The following RNF217 variants were observed in gnomAD, a reference collection of about 807,000 sequenced individuals.
RNF217 encodes the protein ring finger protein 217.
In RNF217, 31 loss-of-function variants were observed where a neutral mutation model predicts 57.8. The ratio of observed to expected loss-of-function variants is 0.54; its 90% CI spans 0.40 to 0.72. The LOEUF (loss-of-function observed/expected upper bound fraction) is 0.72. RNF217 is among the 30% of genes least tolerant of loss of function. The pLI is 0.00. For synonymous variants in RNF217, 313 were observed against 294.0 expected, an observed-to-expected ratio of 1.06 and a Z score of -0.66; for missense variants, 696 against 708.3, an observed-to-expected ratio of 0.98 and a Z score of 0.20.
intron 1 of RNF217, among the ~76,000 whole-genome samples, chr6:125,033,357 A>G (rs1327160673): frequency 3.3e-5 from 3 of 90,400 alleles, no homozygotes; most frequent in Non-Finnish European, 6.2e-5. Context: ...CCCCCACCCC[A>G]CAACAGTCCC....
At chr6:125,082,619 C>T (rs1477010968) in intron 5 of RNF217, 1 of 1,576,008 alleles carries the variant, frequency 6.3e-7, no homozygotes, top group Non-Finnish European at 8.6e-7. Context: ...AGATTTAAAC[C>T]AAAGTTTTGA....
chr6:124,980,786 T>G (rs1427619532), intron 1 of RNF217, among the ~76,000 whole-genome samples: 2 of 152,236 alleles, frequency 1.3e-5, no homozygotes, highest in African/African-American at 4.8e-5. Flanking sequence ...ATACTTTGAT[T>G]TGTTAATTTC....
intron 1 of RNF217, among the ~76,000 whole-genome samples, chr6:125,013,392 G>C (rs1785490026): frequency 6.9e-6 from 1 of 144,498 alleles, no homozygotes; most frequent in African/African-American, 2.7e-5. Context: ...TGTGTGTGCT[G>C]TTTTTGAGAG....
At chr6:125,026,677 T>C (rs1172093671) in intron 1 of RNF217, among the ~76,000 whole-genome samples, 1 of 152,184 alleles carries the variant, frequency 6.6e-6, no homozygotes, top group Non-Finnish European at 1.5e-5. Context: ...AGTTAGGTGC[T>C]ATACAAGTCA....
At position 124,978,314 on chromosome 6, in the gene RNF217, C is replaced by A. The variant is rs191104815; in HGVS notation, c.882+14888C>A. Among the ~76,000 whole-genome samples the A allele has an allele frequency of 4.1e-3, 625 of 151,972 alleles. 15 individuals carry two copies. In the East Asian group the frequency reaches 0.041, roughly 10 times the overall value. On this transcript the variant is annotated intron_variant, in intron 1 of 5. Transcript: ENST00000521654. The stretch of plus-strand genomic sequence containing the variant: ...TTCTGGGCTTGCTCCACCTGCTTAG[C>A]CCGGCAGGCTGCATTCCGCTTGTGC...
intron 4 of RNF217, among the ~76,000 whole-genome samples, chr6:125,077,883 C>T (rs184222167): frequency 3.0e-3 from 457 of 152,224 alleles, no homozygotes; most frequent in Non-Finnish European, 3.8e-3. Context: ...GAACCATTTT[C>T]CTCCTTAGAA....
At chr6:125,007,733 C>T (rs971899167) in intron 1 of RNF217, among the ~76,000 whole-genome samples, 1 of 152,170 alleles carries the variant, frequency 6.6e-6, no homozygotes, top group African/African-American at 2.4e-5. Flanking sequence ...TTATTTTCCA[C>T]AGACATCCCT....
At chr6:125,031,569 G>T (rs897507819) in intron 1 of RNF217, among the ~76,000 whole-genome samples, 1 of 152,162 alleles carries the variant, frequency 6.6e-6, no homozygotes, top group African/African-American at 2.4e-5. Flanking sequence ...GCAAAAAGCT[G>T]CCAGTTTCTT....
At chr6:125,073,145 A>G (rs1271070660) in intron 3 of RNF217, among the ~76,000 whole-genome samples, 1 of 152,218 alleles carries the variant, frequency 6.6e-6, no homozygotes, top group Non-Finnish European at 1.5e-5. Flanking sequence ...TGAATGTACG[A>G]TGCTTTGGGT....
chr6:125,007,979 G>A (rs28612472), intron 1 of RNF217, among the ~76,000 whole-genome samples: 37,708 of 151,894 alleles, frequency 0.25, 4,926 homozygotes, highest in African/African-American at 0.33. Flanking sequence ...TTATGTGGCC[G>A]GGCCTGGTGG....
At chr6:125,009,178 A>G in intron 1 of RNF217, 1 of 1,555,550 alleles carries the variant, frequency 6.4e-7, no homozygotes, top group Non-Finnish European at 8.7e-7. Flanking sequence ...TCATAGGTCC[A>G]TTGCCAGCAC....
In RNF217 at chr6:124,979,177, C is replaced by T. The variant is rs75804258; in HGVS notation, c.882+15751C>T. ...GGTTTCACCAAGGACCTGACCCTGT[C>T]TGCCTACAAATTTGTCTGTCTCTTG... On this transcript the variant is annotated intron_variant, in intron 1 of 5. Coordinates refer to ENST00000521654, the MANE Select transcript of RNF217 (RefSeq NM_001286398.3). 7.7e-3 allele frequency among the ~76,000 whole-genome samples: 1,168 copies of T among 152,292 alleles called. 18 individuals carry two copies. Among genetic ancestry groups the T allele is most frequent in the African/African-American group, 0.027 (1,125 of 41,554 alleles).
rs190690645 is a variant in RNF217 at position 124,983,720 on chromosome 6, G to A, written c.882+20294G>A. On this transcript the variant is annotated intron_variant, in intron 1 of 5. Coordinates refer to ENST00000521654, the MANE Select transcript of RNF217 (RefSeq NM_001286398.3). ...CTGGCTCAGTAGGAAGAGGCTTGGA[G>A]TTAGATGATTTGGGTTTAATCTTTG... 1.2e-4 allele frequency among the ~76,000 whole-genome samples: 19 copies of A among 152,276 alleles called. 1 individual carries two copies. The highest frequency in any genetic ancestry group is 1.2e-3 in the Admixed American group (19 of 15,298).
intron 1 of RNF217, among the ~76,000 whole-genome samples, chr6:124,997,868 C>A (rs1227672621): frequency 1.3e-5 from 2 of 152,074 alleles, no homozygotes; most frequent in East Asian, 1.9e-4. Context: ...ATTTTTTCAT[C>A]CTGTAGTATC....
At chr6:125,057,828 G>T in intron 2 of RNF217, 114 bp from the exon 3 acceptor site, 1 of 780,238 alleles carries the variant, frequency 1.3e-6, no homozygotes, top group African/African-American at 1.8e-5. Context: ...TTATAGAGGG[G>T]GAGGTATTTT....
intron 5 of RNF217, chr6:125,082,339 G>C: frequency 8.8e-7 from 1 of 1,133,442 alleles, no homozygotes; most frequent in Non-Finnish European, 1.2e-6. Context: ...CTTGGGTTTA[G>C]CAAGTAATAA....
At chr6:125,052,539 G>A (rs557881049) in intron 2 of RNF217, among the ~76,000 whole-genome samples, 4 of 152,098 alleles carry the variant, frequency 2.6e-5, no homozygotes, top group African/African-American at 9.6e-5. Flanking sequence ...TCCCCAAGTA[G>A]GCAGTGAAAT....
rs1783325522 is a variant in RNF217 at position 124,962,635 on chromosome 6, C to A, written c.91C>A (p.Pro31Thr). 7.5e-7 allele frequency: 1 copy of A among 1,325,182 alleles called. No individual in the cohort carries two copies. Among genetic ancestry groups the A allele is most frequent in the South Asian group, 2.2e-5 (1 of 45,820 alleles). 82.1% of individuals were successfully genotyped at this position (1,325,182 alleles called of 1,614,324 possible). The change falls in exon 1 of 6, where the codon CCG (proline) becomes ACG (threonine). Residue 31 changes from proline to threonine, a missense_variant. By Grantham distance (38) the Pro-to-Thr change is conservative (BLOSUM62 -1). This residue lies in a region of RNF217 where 465 missense variants were observed against 386.8 expected (regional missense o/e 1.20). Coordinates refer to ENST00000521654, the MANE Select transcript of RNF217 (RefSeq NM_001286398.3). The surrounding 1 kb of genome is among the most constrained non-coding windows in gnomAD (Gnocchi z 4.6). ...ASGTAGHPEP[P>T]RPQGDSARAP... The stretch of plus-strand genomic sequence containing the variant: ...TGGCACTGCGGGCCACCCTGAGCCC[C>A]CGAGGCCTCAGGGGGACAGCGCCCG...
rs1353735871 is a variant in RNF217 at position 125,084,903 on chromosome 6, C to A, written c.*1966C>A. 6.6e-6 allele frequency: 1 copy of A among 151,862 alleles called. No individual in the cohort carries two copies. 9.4% of individuals were successfully genotyped at this position (151,862 alleles called of 1,614,324 possible). A position where few individuals can be genotyped will look rare whatever the true frequency, so the allele number is the denominator to read the frequency against. Reference sequence around the variant, plus strand: ...TTTAAGACTGAAAGAAGGAGAATTTCTAACCTGTCATAAGAGTAAGGTTTC... The same window carrying A: ...TTTAAGACTGAAAGAAGGAGAATTTATAACCTGTCATAAGAGTAAGGTTTC... On this transcript the variant is annotated 3_prime_UTR_variant, in exon 6 of 6. Transcript: ENST00000521654.
Sources: allele counts gnomAD v4.1 joint callset (sites outside exome capture counted in the v4.1 genomes callset), GRCh38; gene constraint gnomAD v4.1.1; regional missense constraint gnomAD v4.1.1; non-coding constraint Gnocchi (gnomAD v3.1); transcripts MANE v1.5; gene names NCBI Gene and HGNC (gene_info 2026-07-23, HGNC 2026-07-21).